PDZRN4: variants seen among roughly 807,000 people sequenced by gnomAD.
PDZRN4 encodes PDZ domain containing ring finger 4.
PDZRN4 carries 70 observed loss-of-function variants against 99.0 expected under a neutral mutation model. The observed-to-expected ratio is 0.71, with a 90% CI of 0.58 to 0.86. PDZRN4 has a LOEUF of 0.86. Among genes scored for constraint, PDZRN4 ranks in the 40% least tolerant of loss-of-function variants. PDZRN4 has a pLI of 0.00. For missense variants in PDZRN4, 1,474 were observed against 1,331.2 expected, an observed-to-expected ratio of 1.11 and a Z score of -1.67; for synonymous variants, 551 against 501.6, an observed-to-expected ratio of 1.10 and a Z score of -1.32.
intron 3 of PDZRN4, among the ~76,000 whole-genome samples, chr12:41,438,881 T>A (rs2733272): frequency 0.21 from 31,594 of 152,182 alleles, 3,631 homozygotes; most frequent in Non-Finnish European, 0.26. Flanking sequence ...TTCCAGTTTG[T>A]CCCAAAGGTG....
chr12:41,401,964 A>G (rs1011180738), intron 3 of PDZRN4, among the ~76,000 whole-genome samples: 2 of 151,004 alleles, frequency 1.3e-5, no homozygotes, highest in East Asian at 3.9e-4. Flanking sequence ...CTCTTCATGT[A>G]AAAGATTCTG....
intron 3 of PDZRN4, among the ~76,000 whole-genome samples, chr12:41,440,294 A>G (rs1952667467): frequency 1.3e-5 from 2 of 152,148 alleles, no homozygotes; most frequent in Non-Finnish European, 2.9e-5. Context: ...AATAAAGTTT[A>G]CCAGGAGATA....
chr12:41,375,750 T>G (rs533782400), intron 3 of PDZRN4, among the ~76,000 whole-genome samples: 1 of 152,320 alleles, frequency 6.6e-6, no homozygotes, highest in South Asian at 2.1e-4. Context: ...TGTGTTTGTG[T>G]GTGTGTGTGT....
chr12:41,248,450 G>A (rs1230864675), intron 3 of PDZRN4, among the ~76,000 whole-genome samples: 2 of 152,144 alleles, frequency 1.3e-5, no homozygotes, highest in Non-Finnish European at 2.9e-5. Flanking sequence ...TTGCTTGAAA[G>A]GAAAATGTTT....
At chr12:41,440,577 T>C (rs1271152835) in intron 3 of PDZRN4, among the ~76,000 whole-genome samples, 1 of 152,046 alleles carries the variant, frequency 6.6e-6, no homozygotes, top group African/African-American at 2.4e-5. Context: ...TATTTTTTGC[T>C]CCTCTGGAGG....
intron 3 of PDZRN4, among the ~76,000 whole-genome samples, chr12:41,240,904 G>C (rs1408114785): frequency 6.6e-6 from 1 of 152,012 alleles, no homozygotes; most frequent in Non-Finnish European, 1.5e-5. Context: ...TGAATTTTGG[G>C]GGAACACAAC....
chr12:41,407,835 C>T lies in PDZRN4; in HGVS notation c.844-98621C>T, dbSNP rs183037601. 3.8e-3 allele frequency among the ~76,000 whole-genome samples: 584 copies of T among 152,258 alleles called. 5 individuals carry two copies. Among genetic ancestry groups the T allele is most frequent in the Non-Finnish European group, 4.4e-3 (301 of 68,032 alleles). ...GAGAAAAGATGAGTCCAAGTTATCA[C>T]GCAACTGGCATGAACAAATTTGGTA... On this transcript the variant is annotated intron_variant, in intron 3 of 9. Coordinates refer to ENST00000402685, the MANE Select transcript of PDZRN4 (RefSeq NM_001164595.2).
In PDZRN4 at chr12:41,567,839, G is replaced by A; in HGVS notation, c.1524G>A (p.Leu508=). The stretch of plus-strand genomic sequence containing the variant: ...ATGAATTCTTAGAGGAGTTAAACTT[G>A]GAGATGTTGGAAGAAGAGCATAATG... ...ERNEFLEELN[L]EMLEEEHNEA... is the part of the protein sequence containing the mutation. Residue 508 remains leucine, a synonymous_variant, in exon 9 of 10, where the codon TTG becomes TTA. Coordinates refer to ENST00000402685, the MANE Select transcript of PDZRN4 (RefSeq NM_001164595.2). 1 of 1,613,574 alleles carries A rather than the reference G, an allele frequency of 6.2e-7. No homozygotes were observed. Among genetic ancestry groups the A allele is most frequent in the Non-Finnish European group, 8.5e-7 (1 of 1,179,702 alleles).
rs113666260 is a variant in PDZRN4 at position 41,411,067 on chromosome 12, A to ATT, written c.844-95380_844-95379dup. 9.9e-3 allele frequency among the ~76,000 whole-genome samples: 1,388 copies of ATT among 140,398 alleles called. 22 individuals carry two copies. The highest frequency in any genetic ancestry group is 0.033 in the African/African-American group (1,219 of 37,504). 92.1% of individuals were successfully genotyped at this position (140,398 alleles called of 152,430 possible). A position where few individuals can be genotyped will look rare whatever the true frequency, so the allele number is the denominator to read the frequency against. On this transcript the variant is annotated intron_variant, in intron 3 of 9. Coordinates refer to ENST00000402685, the MANE Select transcript of PDZRN4 (RefSeq NM_001164595.2). ...CTTTAAAATATATATATATATATAT[A>ATT]TTTTTTTTTTATTTGTAAAGATAGT...
intron 3 of PDZRN4, among the ~76,000 whole-genome samples, chr12:41,230,868 T>C (rs1245901013): frequency 6.6e-6 from 1 of 152,100 alleles, no homozygotes; most frequent in Non-Finnish European, 1.5e-5. Flanking sequence ...AACACACAGC[T>C]AATCTCTTTT....
In PDZRN4 at chr12:41,242,926, C is replaced by A. The variant is rs1951110166; in HGVS notation, c.843+48738C>A. On this transcript the variant is annotated intron_variant, in intron 3 of 9. Coordinates refer to ENST00000402685, the MANE Select transcript of PDZRN4 (RefSeq NM_001164595.2). ...TGGTAAATAGAATTGGCAGAAGCAT[C>A]TTTTTCTTAATAAACTTCTGGCTCC... Among the ~76,000 whole-genome samples, 3 of 152,206 alleles carry A rather than the reference C, an allele frequency of 2.0e-5. No individual in the cohort carries two copies. The South Asian group carries it at 6.2e-4, about 31-fold the overall frequency.
chr12:41,189,122 G>A lies in PDZRN4; in HGVS notation c.648+19G>A, dbSNP rs1006018162. The stretch of plus-strand genomic sequence containing the variant: ...CCGCAGGGTAAGCAAAGGGGGGTGG[G>A]CACCGCGGGCATGGTCGATTGGGGT... On this transcript the variant is annotated intron_variant, in intron 1 of 9. Coordinates refer to ENST00000402685, the MANE Select transcript of PDZRN4 (RefSeq NM_001164595.2). 1.8e-5 allele frequency: 28 copies of A among 1,571,754 alleles called. No homozygotes were observed. The highest frequency in any genetic ancestry group is 2.3e-5 in the Non-Finnish European group (27 of 1,166,770).
intron 3 of PDZRN4, among the ~76,000 whole-genome samples, chr12:41,216,867 T>C (rs1950924411): frequency 6.6e-6 from 1 of 152,074 alleles, no homozygotes; most frequent in South Asian, 2.1e-4. Flanking sequence ...TAAATTAATG[T>C]CCCTCTATTC....
At chr12:41,566,296 T>A (rs1000922655) in intron 8 of PDZRN4, among the ~76,000 whole-genome samples, 2 of 152,188 alleles carry the variant, frequency 1.3e-5, no homozygotes, top group African/African-American at 4.8e-5. Context: ...TTTGACCTGA[T>A]TAAAGAAAAA....
intron 3 of PDZRN4, among the ~76,000 whole-genome samples, chr12:41,377,830 T>G (rs564353041): frequency 6.6e-6 from 1 of 152,376 alleles, no homozygotes; most frequent in African/African-American, 2.4e-5. Flanking sequence ...TATGTTGTTT[T>G]GCATCTTGCA....
At chr12:41,459,955 T>A in intron 3 of PDZRN4, 1 of 1,278,520 alleles carries the variant, frequency 7.8e-7, no homozygotes, top group Non-Finnish European at 1.0e-6. Context: ...TTTCAGGAGC[T>A]GTGACTTGAA....
chr12:41,202,732 T>G (rs929370443), intron 3 of PDZRN4, among the ~76,000 whole-genome samples: 6 of 152,130 alleles, frequency 3.9e-5, no homozygotes, highest in African/African-American at 9.6e-5. Context: ...TTCAAATATT[T>G]TAAACAATTT....
intron 3 of PDZRN4, among the ~76,000 whole-genome samples, chr12:41,228,205 T>A (rs201667454): frequency 6.6e-6 from 1 of 152,184 alleles, no homozygotes; most frequent in East Asian, 1.9e-4. Context: ...CCAGTGAAGA[T>A]GTTTTCAACT....
chr12:41,496,786 T>C (rs189589426), intron 3 of PDZRN4, among the ~76,000 whole-genome samples: 83 of 152,268 alleles, frequency 5.5e-4, no homozygotes, highest in Non-Finnish European at 1.1e-3. Context: ...TATATGAAAA[T>C]GTATTTAACA....
Sources: allele counts gnomAD v4.1 joint callset (sites outside exome capture counted in the v4.1 genomes callset), GRCh38; gene constraint gnomAD v4.1.1; transcripts MANE v1.5; gene names NCBI Gene and HGNC (gene_info 2026-07-23, HGNC 2026-07-21).